The following ERC2 variants were observed in gnomAD, a reference collection of about 807,000 sequenced individuals.
ERC2 encodes ELKS/RAB6-interacting/CAST family member 2, also known as ERC protein 2.
ERC2 carries 42 observed loss-of-function variants against 114.8 expected under a neutral mutation model. The ratio of observed to expected loss-of-function variants is 0.37; its 90% CI spans 0.29 to 0.47. The LOEUF (loss-of-function observed/expected upper bound fraction) is 0.47. Among genes scored for constraint, ERC2 ranks in the 20% least tolerant of loss-of-function variants. ERC2 has a pLI of 0.99. For synonymous variants in ERC2, 454 were observed against 425.5 expected (o/e 1.07, Z -0.82); for missense variants, 939 against 1,150.7 (o/e 0.82, Z 2.66).
At chr3:55,561,789 A>C (rs549485720) in intron 17 of ERC2, among the ~76,000 whole-genome samples, 1 of 152,276 alleles carries the variant, frequency 6.6e-6, no homozygotes, top group African/African-American at 2.4e-5. Flanking sequence ...GGAGCATGTG[A>C]GCAGACCTGG....
chr3:55,997,917 TGTGTG>T (rs1559997122), intron 10 of ERC2, among the ~76,000 whole-genome samples: 38 of 43,702 alleles, frequency 8.7e-4, no homozygotes, highest in African/African-American at 1.1e-3. Flanking sequence ...TGTGTGTGTG[TGTGTG>T]TTTTTTGTTT....
chr3:55,598,324 TC>T (rs1189639656), intron 17 of ERC2, among the ~76,000 whole-genome samples: 1 of 152,236 alleles, frequency 6.6e-6, no homozygotes, highest in Non-Finnish European at 1.5e-5. Flanking sequence ...GGCCATATTA[TC>T]AGCCCAATAG....
chr3:55,654,602 C>G lies in ERC2; in HGVS notation c.*39+29192G>C, dbSNP rs186371545. 1.2e-4 allele frequency among the ~76,000 whole-genome samples: 19 copies of G among 152,340 alleles called. 1 individual carries two copies. The East Asian group carries it at 3.7e-3, about 29-fold the overall frequency. Reference sequence around the variant, plus strand: ...AAGATAACAGAGGAGAATGGAGTCTCGCAGATCTTTCTGTAATTGACAGGC... The same window carrying G: ...AAGATAACAGAGGAGAATGGAGTCTGGCAGATCTTTCTGTAATTGACAGGC... On this transcript the variant is annotated intron_variant, in intron 17 of 17. Transcript: ENST00000288221.
At chr3:56,177,179 T>C (rs1281445960) in intron 3 of ERC2, among the ~76,000 whole-genome samples, 1 of 152,224 alleles carries the variant, frequency 6.6e-6, no homozygotes, top group African/African-American at 2.4e-5. Flanking sequence ...CTTTAAGAAC[T>C]GCAATGGCTA....
At chr3:55,639,561 A>C (rs1259948462) in intron 17 of ERC2, among the ~76,000 whole-genome samples, 1 of 152,202 alleles carries the variant, frequency 6.6e-6, no homozygotes, top group African/African-American at 2.4e-5. Context: ...CAATGAACAA[A>C]CAAGTGAATA....
intron 3 of ERC2, among the ~76,000 whole-genome samples, chr3:56,186,114 T>TAAAAAAAAAAAAAAAA (rs201544979): frequency 5.9e-5 from 6 of 102,538 alleles, no homozygotes; most frequent in African/African-American, 1.9e-4. Context: ...TCAAGAACCT[T>TAAAAAAAAAAAAAAAA]AAAAAAAAAA....
chr3:56,146,926 G>C (rs2149942120), intron 5 of ERC2, among the ~76,000 whole-genome samples: 1 of 152,286 alleles, frequency 6.6e-6, no homozygotes, highest in African/African-American at 2.4e-5. Flanking sequence ...AAGGATTGAT[G>C]GTCTCTCAGA....
intron 3 of ERC2, among the ~76,000 whole-genome samples, chr3:56,233,931 T>A (rs2050784501): frequency 6.6e-6 from 1 of 152,208 alleles, no homozygotes. Flanking sequence ...TACATTGGGC[T>A]CACTTGTATA....
At chr3:56,254,968 C>T (rs113962857) in intron 3 of ERC2, among the ~76,000 whole-genome samples, 1 of 152,138 alleles carries the variant, frequency 6.6e-6, no homozygotes, top group Non-Finnish European at 1.5e-5. Flanking sequence ...ATTCAAAGAC[C>T]ATGTGCCAAA....
chr3:55,605,426 A>G (rs1475504146), intron 17 of ERC2, among the ~76,000 whole-genome samples: 2 of 152,240 alleles, frequency 1.3e-5, no homozygotes, highest in Non-Finnish European at 2.9e-5. Context: ...AACAGAAATA[A>G]TCAGTGGTTT....
intron 17 of ERC2, among the ~76,000 whole-genome samples, chr3:55,560,207 G>A (rs2055910485): frequency 6.6e-6 from 1 of 152,146 alleles, no homozygotes. Flanking sequence ...CAGTGAACAG[G>A]TGTGGCTGTG....
rs71099629 is a variant in ERC2, at chr3:56,281,436, CAAAAAAAAA to C, written c.1074+14574_1074+14582del. The stretch of plus-strand genomic sequence containing the variant: ...TGGGTGACAGAGCAAGACTCCGTCT[CAAAAAAAAA>C]AAAAAAAAAAAAAAAGTATAGAGGA... On this transcript the variant is annotated intron_variant, in intron 3 of 17. Transcript: ENST00000288221. 6.3e-5 allele frequency among the ~76,000 whole-genome samples: 3 copies of C among 47,524 alleles called. No homozygotes were observed. In the Admixed American group the frequency reaches 1.1e-3, roughly 18 times the overall value. The allele number at this position is 47,524 out of a possible 152,430, so 31.2% of individuals were successfully genotyped here.
rs551401923 is a variant in ERC2 at position 56,245,621 on chromosome 3, G to A, written c.1074+50398C>T. On this transcript the variant is annotated intron_variant, in intron 3 of 17. Transcript: ENST00000288221. ...TCTGTCACCCAGGCTGGAGTGCACT[G>A]CAATCTCCGCCTCCTGGGTTCAAGC... Among the ~76,000 whole-genome samples, 185 of 151,790 alleles carry A rather than the reference G, an allele frequency of 1.2e-3. 1 individual carries two copies. Among genetic ancestry groups the A allele is most frequent in the African/African-American group, 4.3e-3 (178 of 41,366 alleles).
intron 6 of ERC2, among the ~76,000 whole-genome samples, chr3:56,110,942 T>A (rs2078924895): frequency 6.6e-6 from 1 of 152,174 alleles, no homozygotes; most frequent in South Asian, 2.1e-4. Context: ...CCTGTTCATA[T>A]GGAATACTCC....
At chr3:55,982,684 C>T (rs1376379446) in intron 12 of ERC2, among the ~76,000 whole-genome samples, 1 of 152,176 alleles carries the variant, frequency 6.6e-6, no homozygotes, top group East Asian at 1.9e-4. Flanking sequence ...GCACACAGTG[C>T]CTAGCCTATT....
intron 2 of ERC2, among the ~76,000 whole-genome samples, chr3:56,312,056 T>C (rs2056614043): frequency 6.6e-6 from 1 of 152,126 alleles, no homozygotes. Flanking sequence ...ATTTAAAGTA[T>C]CCAGGAGGAT....
At chr3:55,882,736 TG>T in intron 14 of ERC2, among the ~76,000 whole-genome samples, 1 of 152,320 alleles carries the variant, frequency 6.6e-6, no homozygotes, top group South Asian at 2.1e-4. Flanking sequence ...TCAGCATCTG[TG>T]GATTTTGGTA....
At chr3:55,831,399 G>GAGGGA (rs2060573063) in intron 14 of ERC2, among the ~76,000 whole-genome samples, 1 of 82,618 alleles carries the variant, frequency 1.2e-5, no homozygotes, top group East Asian at 5.3e-4. Context: ...AAGGGGAGGG[G>GAGGGA]AGGGGAGGGA....
At chr3:55,878,094 G>A (rs1031250080) in intron 14 of ERC2, among the ~76,000 whole-genome samples, 1 of 152,188 alleles carries the variant, frequency 6.6e-6, no homozygotes, top group Non-Finnish European at 1.5e-5. Flanking sequence ...CTGCTGTGAA[G>A]ATAGAGATAA....
Sources: gnomAD v4.1 joint callset for allele counts (sites outside exome capture counted in the v4.1 genomes callset) on GRCh38, gnomAD v4.1.1 for gene constraint, MANE v1.5 for transcripts, NCBI Gene and HGNC (gene_info 2026-07-23, HGNC 2026-07-21) for gene names.